The following COTL1 variants were observed in gnomAD, a reference collection of about 807,000 sequenced individuals.
COTL1 encodes the protein coactosin like F-actin binding protein 1.
COTL1 carries 15 observed loss-of-function variants against 16.5 expected under a neutral mutation model. The observed-to-expected ratio is 0.91, with a 90% CI of 0.61 to 1.40. COTL1 has a LOEUF of 1.40. Ranked by LOEUF, COTL1 falls within the 40% of genes most tolerant of loss-of-function variation. The probability of loss-of-function intolerance (pLI) is 0.00; values close to 1 mark genes in which losing one functional copy is unlikely to be tolerated. For missense variants in COTL1, 220 were observed against 201.5 expected, an observed-to-expected ratio of 1.09 and a Z score of -0.56; for synonymous variants, 112 against 85.3, an observed-to-expected ratio of 1.31 and a Z score of -1.73.
intron 2 of COTL1, among the ~76,000 whole-genome samples, chr16:84,601,954 T>C (rs16974261): frequency 0.035 from 5,381 of 152,238 alleles, 163 homozygotes; most frequent in African/African-American, 0.08. Flanking sequence ...GGGCATATGA[T>C]GCAGCTGATG....
intron 3 of COTL1, among the ~76,000 whole-genome samples, chr16:84,575,122 C>T (rs1904423283): frequency 1.3e-5 from 2 of 152,134 alleles, no homozygotes; most frequent in Non-Finnish European, 2.9e-5. Context: ...ACTGTAACCT[C>T]CACCTCCCGG....
chr16:84,600,920 T>A (rs1905094974), intron 2 of COTL1, among the ~76,000 whole-genome samples: 1 of 152,192 alleles, frequency 6.6e-6, no homozygotes, highest in South Asian at 2.1e-4. Flanking sequence ...TTTCCCCCTA[T>A]GACAAAGCAC....
intron 3 of COTL1, among the ~76,000 whole-genome samples, chr16:84,582,565 C>G (rs980215546): frequency 6.6e-5 from 10 of 152,290 alleles, no homozygotes; most frequent in Middle Eastern, 6.8e-3. Flanking sequence ...TTGTTAGTTA[C>G]TTAATTATAA....
At chr16:84,587,015 G>A (rs1188694682) in intron 3 of COTL1, among the ~76,000 whole-genome samples, 1 of 152,186 alleles carries the variant, frequency 6.6e-6, no homozygotes, top group East Asian at 1.9e-4. Context: ...GCGACGTCCA[G>A]GAGTGGGCCA....
intron 3 of COTL1, among the ~76,000 whole-genome samples, chr16:84,581,015 G>A (rs1904576668): frequency 6.6e-6 from 1 of 152,130 alleles, no homozygotes; most frequent in South Asian, 2.1e-4. Flanking sequence ...GGTGGCAGGT[G>A]CCTGTGGTCC....
chr16:84,586,933 T>C (rs1296305977), intron 3 of COTL1, among the ~76,000 whole-genome samples: 1 of 152,156 alleles, frequency 6.6e-6, no homozygotes, highest in African/African-American at 2.4e-5. Context: ...AAAAGAGAAT[T>C]GCAAGATCTG....
At chr16:84,599,464 G>GT (rs1485490555) in intron 2 of COTL1, among the ~76,000 whole-genome samples, 5 of 152,182 alleles carry the variant, frequency 3.3e-5, no homozygotes, top group East Asian at 3.8e-4. Flanking sequence ...ACTTTTTAGC[G>GT]TAAGTCCTTT....
intron 3 of COTL1, among the ~76,000 whole-genome samples, chr16:84,586,607 A>T (rs1478753937): frequency 6.6e-6 from 1 of 152,088 alleles, no homozygotes; most frequent in Non-Finnish European, 1.5e-5. Context: ...ACAATTTTTT[A>T]TTATTTATTT....
chr16:84,578,519 G>T (rs1904502254), intron 3 of COTL1, among the ~76,000 whole-genome samples: 1 of 152,284 alleles, frequency 6.6e-6, no homozygotes, highest in Middle Eastern at 3.4e-3. Flanking sequence ...AAGTGAAGTA[G>T]CCAGCAGATC....
intron 3 of COTL1, chr16:84,576,166 C>T (rs1292213633): frequency 6.6e-6 from 1 of 152,200 alleles, no homozygotes; most frequent in Non-Finnish European, 1.5e-5. Flanking sequence ...GGCTGCAAAC[C>T]CCAAAGCCAG....
At chr16:84,602,886 A>G (rs1342327337) in intron 2 of COTL1, among the ~76,000 whole-genome samples, 1 of 152,094 alleles carries the variant, frequency 6.6e-6, no homozygotes, top group Non-Finnish European at 1.5e-5. Flanking sequence ...GGGAAGGCCA[A>G]AAAGGCAGTG....
rs1904297112 is a variant in COTL1, at chr16:84,566,100, GAAA to G, written c.*742_*744del. ...CCTTTGCCCTTCTCTGTGTCACAAG[GAAA>G]TTTCGGTCAAGAGGGTGGGAACAGG... On this transcript the variant is annotated 3_prime_UTR_variant, in exon 4 of 4. Coordinates refer to ENST00000262428, the MANE Select transcript of COTL1 (RefSeq NM_021149.5). The G allele has an allele frequency of 6.5e-6, 1 of 152,720 alleles. No homozygotes were observed. Among genetic ancestry groups the G allele is most frequent in the Non-Finnish European group, 1.5e-5 (1 of 68,086 alleles). 9.5% of individuals were successfully genotyped at this position (152,720 alleles called of 1,614,324 possible).
chr16:84,609,613 G>C (rs1905279053), intron 2 of COTL1, among the ~76,000 whole-genome samples: 1 of 152,208 alleles, frequency 6.6e-6, no homozygotes, highest in Non-Finnish European at 1.5e-5. Flanking sequence ...AAATCTATCT[G>C]ATATGGTTTG....
intron 3 of COTL1, among the ~76,000 whole-genome samples, chr16:84,572,692 G>A (rs1272745574): frequency 6.6e-6 from 1 of 152,094 alleles, no homozygotes; most frequent in Non-Finnish European, 1.5e-5. Flanking sequence ...CAACTCCTGG[G>A]CTCAAGCGAT....
intron 3 of COTL1, among the ~76,000 whole-genome samples, chr16:84,574,913 G>T (rs1904417807): frequency 6.6e-6 from 1 of 152,172 alleles, no homozygotes; most frequent in Non-Finnish European, 1.5e-5. Context: ...TTCTGAGGAG[G>T]GTAATATAGC....
rs753995579 is a variant in COTL1 at position 84,566,859 on chromosome 16, C to T, written c.415G>A (p.Ala139Thr). 5.6e-6 allele frequency: 9 copies of T among 1,611,426 alleles called. No homozygotes were observed. Among genetic ancestry groups the T allele is most frequent in the South Asian group, 1.1e-5 (1 of 90,972 alleles). Reference protein sequence around the residue: ...LKKAGGANYDAQTE With the variant: ...LKKAGGANYDTQTE ...GGGGGCTGGGGTTACTCCGTCTGGG[C>T]GTCGTAATTGGCTCCCCCCGCCTTC... Residue 139 changes from alanine to threonine, a missense_variant, in exon 4 of 4, where the codon GCC (alanine) becomes ACC (threonine). Ala to Thr is a moderately conservative substitution (Grantham distance 58). Transcript: ENST00000262428.
chr16:84,616,052 G>C (rs1905472836), intron 2 of COTL1: 1 of 152,202 alleles, frequency 6.6e-6, no homozygotes, highest in Non-Finnish European at 1.5e-5. Context: ...CAATCATGTA[G>C]CTTGTACAGG....
intron 2 of COTL1, among the ~76,000 whole-genome samples, chr16:84,611,416 A>G (rs1032299351): frequency 3.3e-5 from 5 of 152,244 alleles, no homozygotes; most frequent in Admixed American, 2.6e-4. Flanking sequence ...AAACTTTGGC[A>G]TTACAGTTGT....
At chr16:84,598,595 G>A (rs1905051073) in intron 2 of COTL1, among the ~76,000 whole-genome samples, 1 of 151,718 alleles carries the variant, frequency 6.6e-6, no homozygotes, top group Non-Finnish European at 1.5e-5. Flanking sequence ...GGTCCTGGAG[G>A]TGCCTTTACG....
Sources: allele counts gnomAD v4.1 joint callset (sites outside exome capture counted in the v4.1 genomes callset), GRCh38; gene constraint gnomAD v4.1.1; transcripts MANE v1.5; gene names NCBI Gene and HGNC (gene_info 2026-07-23, HGNC 2026-07-21).